The following NRG1 variants were observed in gnomAD, a reference collection of about 807,000 sequenced individuals.
The protein encoded by NRG1 is neuregulin 1, also known as pro-neuregulin-1, membrane-bound isoform.
Under a neutral mutation model 63.8 loss-of-function variants are expected in NRG1, and 18 were observed. The ratio of observed to expected loss-of-function variants is 0.28; its 90% CI spans 0.19 to 0.42. The LOEUF (loss-of-function observed/expected upper bound fraction) is 0.42, where lower values mean the gene tolerates loss of function less well. Ranked by LOEUF, NRG1 falls within the 10% of genes least tolerant of loss-of-function variation. NRG1 has a pLI of 1.00. For synonymous variants in NRG1, 302 were observed against 301.3 expected, an observed-to-expected ratio of 1.00 and a Z score of -0.02; for missense variants, 762 against 814.7, an observed-to-expected ratio of 0.94 and a Z score of 0.79.
chr8:31,652,958 TCCTCTCCTCTCCTC>T (rs1805010397), intron 1 of NRG1, among the ~76,000 whole-genome samples: 1 of 2,570 alleles, frequency 3.9e-4, no homozygotes, highest in Non-Finnish European at 9.1e-4. Flanking sequence ...CTCTCTTCTC[TCCTCTCCTCTCCTC>T]TCCTCTCCTC....
intron 1 of NRG1, among the ~76,000 whole-genome samples, chr8:31,854,459 C>A (rs1451162197): frequency 1.3e-5 from 2 of 151,682 alleles, no homozygotes; most frequent in Non-Finnish European, 1.5e-5. Context: ...GTGGTGATAT[C>A]CCCTTTATCA....
chr8:32,678,771 G>C (rs1807846115), intron 5 of NRG1, among the ~76,000 whole-genome samples: 1 of 152,168 alleles, frequency 6.6e-6, no homozygotes, highest in African/African-American at 2.4e-5. Context: ...TTATGTGAAA[G>C]ACAGATTATC....
At chr8:31,956,605 T>C (rs985405709) in intron 1 of NRG1, among the ~76,000 whole-genome samples, 2 of 151,996 alleles carry the variant, frequency 1.3e-5, no homozygotes, top group Non-Finnish European at 2.9e-5. Context: ...GTCTGGGCGA[T>C]AAAGCGAGAC....
At chr8:32,078,653 G>A (rs572269610) in intron 1 of NRG1, among the ~76,000 whole-genome samples, 1 of 152,310 alleles carries the variant, frequency 6.6e-6, no homozygotes, top group South Asian at 2.1e-4. Context: ...TTAGTTTTAT[G>A]AATGGGTGTC....
At chr8:31,647,082 C>T (rs1804358428) in intron 1 of NRG1, among the ~76,000 whole-genome samples, 1 of 152,170 alleles carries the variant, frequency 6.6e-6, no homozygotes. Flanking sequence ...TTCAGCAGAA[C>T]CATTTGTAAA....
At chr8:31,765,215 C>G (rs909308618) in intron 1 of NRG1, among the ~76,000 whole-genome samples, 1 of 151,948 alleles carries the variant, frequency 6.6e-6, no homozygotes, top group Non-Finnish European at 1.5e-5. Context: ...CTTATTAGTT[C>G]TATGCACTTT....
intron 1 of NRG1, among the ~76,000 whole-genome samples, chr8:31,827,853 G>T (rs1168317987): frequency 1.3e-5 from 2 of 152,158 alleles, no homozygotes; most frequent in Non-Finnish European, 2.9e-5. Flanking sequence ...CTTTCTGTGT[G>T]CAGGCTGGTC....
chr8:32,625,774 C>CTTTT lies in NRG1; in HGVS notation c.502+8899_502+8902dup, dbSNP rs67043970. ...TTAGATCACTGAAAACTTTCCCTCTCTTTTTTTTTTTTTCTTTTTTCTTTT... is the reference window on the plus strand; with the variant it reads ...TTAGATCACTGAAAACTTTCCCTCTCTTTTTTTTTTTTTTTTTCTTTTTTCTTTT... On this transcript the variant is annotated intron_variant, in intron 5 of 11. Transcript: ENST00000356819. Among the ~76,000 whole-genome samples, 206 of 128,598 alleles carry CTTTT rather than the reference C, an allele frequency of 1.6e-3. 2 individuals carry two copies. Among genetic ancestry groups the CTTTT allele is most frequent in the African/African-American group, 3.4e-3 (118 of 34,480 alleles). The allele number at this position is 128,598 out of a possible 152,430, so 84.4% of individuals were successfully genotyped here.
At chr8:31,747,423 C>T (rs1307947946) in intron 1 of NRG1, among the ~76,000 whole-genome samples, 1 of 151,940 alleles carries the variant, frequency 6.6e-6, no homozygotes, top group Admixed American at 6.6e-5. Context: ...GACACACAGT[C>T]TCATATGGAG....
chr8:32,693,552 A>C (rs1027781772), intron 5 of NRG1, among the ~76,000 whole-genome samples: 2 of 133,814 alleles, frequency 1.5e-5, no homozygotes, highest in Non-Finnish European at 3.2e-5. Flanking sequence ...TTTCATTTCC[A>C]AAAAAAAAAA....
At chr8:31,866,029 G>A (rs966378964) in intron 1 of NRG1, among the ~76,000 whole-genome samples, 1 of 152,216 alleles carries the variant, frequency 6.6e-6, no homozygotes, top group African/African-American at 2.4e-5. Context: ...TTTCATGTGC[G>A]GTTCTTGTCT....
intron 1 of NRG1, among the ~76,000 whole-genome samples, chr8:32,386,240 T>C (rs1034759928): frequency 1.3e-5 from 2 of 152,230 alleles, no homozygotes; most frequent in African/African-American, 2.4e-5. Flanking sequence ...TCTGTGGAAC[T>C]GCATGCATGT....
intron 1 of NRG1, among the ~76,000 whole-genome samples, chr8:32,071,143 G>A (rs1272358898): frequency 3.9e-5 from 6 of 152,154 alleles, no homozygotes; most frequent in African/African-American, 1.4e-4. Flanking sequence ...CATGACTGGT[G>A]CTTGCTTATT....
Position 31,640,015 on chromosome 8 carries a change from G to T in NRG1, c.37+584G>T. The T allele has an allele frequency of 8.8e-7, 1 of 1,133,110 alleles. No homozygotes were observed. 70.2% of individuals were successfully genotyped at this position (1,133,110 alleles called of 1,614,324 possible). A position where few individuals can be genotyped will look rare whatever the true frequency, so the allele number is the denominator to read the frequency against. On this transcript the variant is annotated intron_variant, in intron 1 of 10. Transcript: ENST00000519301. The surrounding 1 kb of genome is among the most constrained non-coding windows in gnomAD (Gnocchi z 6.3). Reference sequence around the variant, plus strand: ...ATGGCGACGCGCCCCGCGCCGCTCCGGGCGTCCCGGCCCCCGGGCCCAGCG... The same window carrying T: ...ATGGCGACGCGCCCCGCGCCGCTCCTGGCGTCCCGGCCCCCGGGCCCAGCG...
intron 5 of NRG1, among the ~76,000 whole-genome samples, chr8:32,649,865 G>A (rs993364929): frequency 2.0e-5 from 3 of 152,166 alleles, no homozygotes; most frequent in Non-Finnish European, 4.4e-5. Context: ...AAGTGACTGG[G>A]AAATAATACC....
intron 1 of NRG1, among the ~76,000 whole-genome samples, chr8:32,300,780 G>T (rs1387537164): frequency 6.6e-6 from 1 of 152,168 alleles, no homozygotes; most frequent in East Asian, 1.9e-4. Flanking sequence ...TATTTAGGGG[G>T]TTGACAGCCA....
intron 1 of NRG1, among the ~76,000 whole-genome samples, chr8:31,651,516 G>T (rs1804839436): frequency 1.3e-5 from 2 of 152,200 alleles, no homozygotes; most frequent in Non-Finnish European, 2.9e-5. Context: ...GGAGAGCTTG[G>T]TTTTCAGGGG....
intron 5 of NRG1, among the ~76,000 whole-genome samples, chr8:32,683,582 AG>A (rs1280080590): frequency 6.6e-6 from 1 of 152,116 alleles, no homozygotes; most frequent in African/African-American, 2.4e-5. Context: ...GTTTTATTGG[AG>A]CCTGCAATTC....
intron 1 of NRG1, among the ~76,000 whole-genome samples, chr8:31,706,133 G>A (rs1427745382): frequency 1.3e-5 from 2 of 152,238 alleles, no homozygotes; most frequent in East Asian, 3.9e-4. Context: ...CATAGTAAGA[G>A]ATTTCCTTCC....
Sources: gnomAD v4.1 joint callset for allele counts (sites outside exome capture counted in the v4.1 genomes callset) on GRCh38, gnomAD v4.1.1 for gene constraint, Gnocchi (gnomAD v3.1) non-coding constraint, MANE v1.5 for transcripts, NCBI Gene and HGNC (gene_info 2026-07-23, HGNC 2026-07-21) for gene names.